The following NBEA variants were observed in gnomAD, a reference collection of about 807,000 sequenced individuals.
NBEA encodes the protein neurobeachin, also known as lysosomal-trafficking regulator 2.
In NBEA, 44 loss-of-function variants were observed where a neutral mutation model predicts 343.4. That is an observed-to-expected ratio of 0.13 (90% CI 0.10 to 0.16). The LOEUF (loss-of-function observed/expected upper bound fraction) is 0.16, where lower values mean the gene tolerates loss of function less well. NBEA is among the 10% of genes least tolerant of loss of function. The pLI is 1.00. For synonymous variants in NBEA, 1,175 were observed against 1,238.7 expected, an observed-to-expected ratio of 0.95 and a Z score of 1.08; for missense variants, 2,555 against 3,631.3, an observed-to-expected ratio of 0.70 and a Z score of 7.62.
intron 1 of NBEA, among the ~76,000 whole-genome samples, chr13:34,948,877 C>T (rs1177795100): frequency 6.6e-6 from 1 of 152,116 alleles, no homozygotes; most frequent in Non-Finnish European, 1.5e-5. Flanking sequence ...TGCTTGAAAG[C>T]AAAGCAGAAA....
intron 36 of NBEA, among the ~76,000 whole-genome samples, 181 bp from the exon 37 acceptor site, chr13:35,348,927 G>T (rs1323063832): frequency 1.3e-5 from 2 of 151,934 alleles, no homozygotes; most frequent in African/African-American, 4.8e-5. Context: ...TGGTGCAACA[G>T]TTTTATGACA....
chr13:35,344,802 C>T (rs2039782543), intron 36 of NBEA, among the ~76,000 whole-genome samples: 1 of 152,038 alleles, frequency 6.6e-6, no homozygotes, highest in East Asian at 1.9e-4. Flanking sequence ...AAATAGTTTA[C>T]AGGAATAGTC....
At chr13:35,442,669 C>T (rs2045804334) in intron 39 of NBEA, among the ~76,000 whole-genome samples, 1 of 151,850 alleles carries the variant, frequency 6.6e-6, no homozygotes, top group Admixed American at 6.6e-5. Flanking sequence ...ATGAATTTCC[C>T]GTTTGTTGGT....
At chr13:35,384,070 G>A (rs1021065577) in intron 38 of NBEA, among the ~76,000 whole-genome samples, 2 of 152,074 alleles carry the variant, frequency 1.3e-5, no homozygotes, top group East Asian at 3.9e-4. Flanking sequence ...AAAGGAAAGA[G>A]ATTCTAATAC....
chr13:35,405,658 A>G (rs1275939523), intron 38 of NBEA, among the ~76,000 whole-genome samples: 1 of 152,158 alleles, frequency 6.6e-6, no homozygotes, highest in Non-Finnish European at 1.5e-5. Context: ...ACAATTGACA[A>G]TTGTACAATT....
At chr13:35,083,028 C>G (rs2064509490) in intron 10 of NBEA, among the ~76,000 whole-genome samples, 1 of 152,118 alleles carries the variant, frequency 6.6e-6, no homozygotes, top group African/African-American at 2.4e-5. Context: ...CCTAGGTTTT[C>G]TTCTAGGGTT....
intron 1 of NBEA, among the ~76,000 whole-genome samples, chr13:34,946,264 A>T (rs572953967): frequency 6.6e-6 from 1 of 152,258 alleles, no homozygotes; most frequent in South Asian, 2.1e-4. Flanking sequence ...ACTACAGAGA[A>T]GAGATTTTGT....
chr13:35,100,504 A>G (rs542039048), intron 11 of NBEA, among the ~76,000 whole-genome samples: 17 of 152,152 alleles, frequency 1.1e-4, no homozygotes, highest in Middle Eastern at 6.8e-3. Flanking sequence ...TTGATAACAT[A>G]TGAAATGCCT....
intron 47 of NBEA, among the ~76,000 whole-genome samples, chr13:35,601,718 T>C (rs748174961): frequency 2.4e-4 from 32 of 131,786 alleles, no homozygotes; most frequent in Admixed American, 6.1e-4. Flanking sequence ...GCTGAGATCA[T>C]GCCATTGGAC....
intron 11 of NBEA, among the ~76,000 whole-genome samples, chr13:35,106,677 T>C (rs748566235): frequency 5.3e-5 from 8 of 151,856 alleles, no homozygotes; most frequent in Non-Finnish European, 8.8e-5. Context: ...AAGACACAAT[T>C]TTAGAAAAAT....
Position 35,618,726 on chromosome 13 carries a change from C to A in NBEA, c.7450-9355C>A, listed in dbSNP as rs183075245. Among the ~76,000 whole-genome samples, 805 of 152,286 alleles carry A rather than the reference C, an allele frequency of 5.3e-3. 12 individuals carry two copies. Among genetic ancestry groups the A allele is most frequent in the Non-Finnish European group, 5.8e-3 (394 of 68,014 alleles). On this transcript the variant is annotated intron_variant, in intron 48 of 58. Transcript: ENST00000379939. ...ATAAAGCATTGTGTTTAGTTCTAACCTGATTATAATCTGACCTTCTGACAA... is the reference window on the plus strand; with the variant it reads ...ATAAAGCATTGTGTTTAGTTCTAACATGATTATAATCTGACCTTCTGACAA...
rs542907465 is a variant in NBEA at position 35,316,631 on chromosome 13, G to A, written c.5903+7039G>A. On this transcript the variant is annotated intron_variant, in intron 36 of 58. Coordinates refer to ENST00000379939, the MANE Select transcript of NBEA (RefSeq NM_001385012.1). ...TCCTTTGGGTATATACCCAGTAATG[G>A]GATTGCTGGGTCAAATGGTATTTCT... Among the ~76,000 whole-genome samples the A allele has an allele frequency of 6.8e-3, 1,042 of 152,220 alleles. 5 individuals carry two copies. The highest frequency in any genetic ancestry group is 0.017 in the Middle Eastern group (5 of 292).
Position 35,424,893 on chromosome 13 carries a change from C to T in NBEA, c.6180-7376C>T, listed in dbSNP as rs1055629112. Among the ~76,000 whole-genome samples, 23 of 152,104 alleles carry T rather than the reference C, an allele frequency of 1.5e-4. No homozygotes were observed. In the East Asian group the frequency reaches 1.9e-3, roughly 13 times the overall value. ...TTTAGTCTTGGGAGGATGTATGTGT[C>T]GAGGAATTTATCCATTTTCTAGATT... is the stretch of plus-strand genomic sequence containing the variant. On this transcript the variant is annotated intron_variant, in intron 38 of 58. Transcript: ENST00000379939.
At chr13:35,089,335 A>C (rs1379069612) in intron 10 of NBEA, among the ~76,000 whole-genome samples, 1 of 151,080 alleles carries the variant, frequency 6.6e-6, no homozygotes, top group Non-Finnish European at 1.5e-5. Context: ...GCCATCAGAG[A>C]AATGCAAATC....
chr13:35,323,629 G>A (rs1054494050), intron 36 of NBEA, among the ~76,000 whole-genome samples: 7 of 151,340 alleles, frequency 4.6e-5, no homozygotes, highest in African/African-American at 1.7e-4. Context: ...ACGAGTTAGT[G>A]GGTGCAGCAC....
At chr13:35,625,367 A>G (rs1385655148) in intron 48 of NBEA, among the ~76,000 whole-genome samples, 2 of 152,222 alleles carry the variant, frequency 1.3e-5, no homozygotes, top group Non-Finnish European at 2.9e-5. Context: ...TTGTAATTCC[A>G]GCACTTTGGG....
intron 43 of NBEA, among the ~76,000 whole-genome samples, chr13:35,553,794 T>A (rs2153015828): frequency 6.6e-6 from 1 of 152,250 alleles, no homozygotes; most frequent in East Asian, 1.9e-4. Context: ...GTGCTGCAGG[T>A]CATTTTTTAA....
intron 41 of NBEA, among the ~76,000 whole-genome samples, chr13:35,535,344 C>T (rs1361768172): frequency 6.6e-6 from 1 of 152,066 alleles, no homozygotes; most frequent in East Asian, 1.9e-4. Flanking sequence ...TGTTAAACTT[C>T]AAATGCAGAA....
At chr13:35,232,040 T>G (rs1356254249) in intron 33 of NBEA, among the ~76,000 whole-genome samples, 1 of 152,180 alleles carries the variant, frequency 6.6e-6, no homozygotes, top group Admixed American at 6.6e-5. Context: ...AGCATTCAAC[T>G]GTATTACAAC....
Sources: allele counts gnomAD v4.1 joint callset (sites outside exome capture counted in the v4.1 genomes callset), GRCh38; gene constraint gnomAD v4.1.1; transcripts MANE v1.5; gene names NCBI Gene and HGNC (gene_info 2026-07-23, HGNC 2026-07-21).